PTCD2: variants seen among roughly 807,000 people sequenced by gnomAD.
The protein encoded by PTCD2 is pentatricopeptide repeat domain 2, also known as pentatricopeptide repeat-containing protein 2, mitochondrial.
PTCD2 carries 31 observed loss-of-function variants against 42.6 expected under a neutral mutation model. The ratio of observed to expected loss-of-function variants is 0.73; its 90% CI spans 0.55 to 0.98. PTCD2 has a LOEUF of 0.98. Among genes scored for constraint, PTCD2 ranks in the 50% least tolerant of loss-of-function variants. PTCD2 has a pLI of 0.00. For synonymous variants in PTCD2, 183 were observed against 170.9 expected (o/e 1.07, Z -0.55); for missense variants, 476 against 454.8 (o/e 1.05, Z -0.42).
chr5:72,358,275 C>T lies in PTCD2; in HGVS notation c.1015C>T (p.Leu339=). 1 of 1,614,094 alleles carries T rather than the reference C, an allele frequency of 6.2e-7. No homozygotes were observed. Among genetic ancestry groups the T allele is most frequent in the Non-Finnish European group, 8.5e-7 (1 of 1,179,992 alleles). ...VAKFDEIYGT[L]HITGQVTTDS... Reference sequence around the variant, plus strand: ...CAAATTTGATGAGATCTATGGGACACTGCACATCACTGGCCAGGTCACCAC... The same window carrying T: ...CAAATTTGATGAGATCTATGGGACATTGCACATCACTGGCCAGGTCACCAC... Residue 339 remains leucine, a synonymous_variant, in exon 10 of 10, where the codon CTG becomes TTG. Coordinates refer to ENST00000380639, the MANE Select transcript of PTCD2 (RefSeq NM_024754.5).
At chr5:72,352,612 G>C (rs1752675137) in intron 8 of PTCD2, 29 bp from the exon 9 acceptor site, 1 of 1,117,732 alleles carries the variant, frequency 8.9e-7, no homozygotes, top group Non-Finnish European at 1.4e-6. Flanking sequence ...ACTCAGTCTT[G>C]GTTTTGCTTG....
chr5:72,352,360 A>C (rs185562479), intron 8 of PTCD2, among the ~76,000 whole-genome samples: 1 of 152,114 alleles, frequency 6.6e-6, no homozygotes, highest in East Asian at 1.9e-4. Context: ...GTTGGCCAGA[A>C]TGGTCTCTAT....
intron 9 of PTCD2, among the ~76,000 whole-genome samples, chr5:72,353,723 A>T (rs1752731774): frequency 6.6e-6 from 1 of 152,234 alleles, no homozygotes; most frequent in South Asian, 2.1e-4. Context: ...TTAGTGTAAC[A>T]TAGAGACAAG....
In PTCD2 at chr5:72,322,158, T is replaced by C; in HGVS notation, c.128-14T>C. The C allele has an allele frequency of 1.4e-6, 2 of 1,404,558 alleles. No homozygotes were observed. Among genetic ancestry groups the C allele is most frequent in the Middle Eastern group, 1.9e-4 (1 of 5,152 alleles). The allele number at this position is 1,404,558 out of a possible 1,614,324, so 87.0% of individuals were successfully genotyped here. On this transcript the variant is annotated splice_polypyrimidine_tract_variant and intron_variant, in intron 1 of 9. Coordinates refer to ENST00000380639, the MANE Select transcript of PTCD2 (RefSeq NM_024754.5). ...GTCAAAATGACTTTACTTTTTTCTT[T>C]CTCTGATTTTTAGCTAAAAGATACC...
intron 4 of PTCD2, among the ~76,000 whole-genome samples, chr5:72,334,636 C>G (rs1278358472): frequency 1.3e-5 from 2 of 152,134 alleles, no homozygotes; most frequent in Non-Finnish European, 1.5e-5. Context: ...ACTGCAGCCT[C>G]CACCTCCTGG....
In PTCD2 at chr5:72,358,383, CG is replaced by C; in HGVS notation, c.1124del (p.Arg375LeufsTer36). On this transcript the variant is annotated frameshift_variant, in exon 10 of 10. Coordinates refer to ENST00000380639, the MANE Select transcript of PTCD2 (RefSeq NM_024754.5). LOFTEE classifies it high-confidence loss of function. The stretch of plus-strand genomic sequence containing the variant: ...GCTATTAAACAAGAGGATGGTCAGC[CG>C]TCGCACCTTCCAGCCACTCAGCCAG... ...TLLLNKRMVS[R>X]RTFQPLSQSL... is the part of the protein sequence containing the mutation. The C allele has an allele frequency of 6.2e-7, 1 of 1,613,702 alleles. No individual in the cohort carries two copies. The highest frequency in any genetic ancestry group is 8.5e-7 in the Non-Finnish European group (1 of 1,179,942).
intron 8 of PTCD2, among the ~76,000 whole-genome samples, chr5:72,344,423 G>C (rs1752243631): frequency 6.6e-6 from 1 of 152,146 alleles, no homozygotes; most frequent in African/African-American, 2.4e-5. Flanking sequence ...TGAGGCAGGG[G>C]AATTGCTTGA....
chr5:72,342,916 A>G (rs1246629925), intron 7 of PTCD2, 46 bp from the exon 8 acceptor site: 7 of 1,224,828 alleles, frequency 5.7e-6, no homozygotes, highest in Admixed American at 1.9e-5. Flanking sequence ...TTACAATAAC[A>G]TTAGTTCCTA....
At chr5:72,347,367 G>A (rs1306902910) in intron 8 of PTCD2, among the ~76,000 whole-genome samples, 3 of 152,100 alleles carry the variant, frequency 2.0e-5, no homozygotes, top group African/African-American at 7.2e-5. Flanking sequence ...TCCTTCCATC[G>A]TGGCCTATCT....
At chr5:72,332,365 GT>G (rs982314114) in intron 4 of PTCD2, among the ~76,000 whole-genome samples, 2 of 150,598 alleles carry the variant, frequency 1.3e-5, no homozygotes, top group African/African-American at 2.4e-5. Context: ...GTTTGATCCT[GT>G]TTTTTTTTGT....
At chr5:72,347,861 G>C (rs1332375107) in intron 8 of PTCD2, among the ~76,000 whole-genome samples, 1 of 152,152 alleles carries the variant, frequency 6.6e-6, no homozygotes, top group East Asian at 1.9e-4. Context: ...CAGGCAGCAG[G>C]AACAGCTCCT....
chr5:72,359,915 G>A lies in PTCD2; in HGVS notation c.*1488G>A, dbSNP rs1753053089. 6.6e-6 allele frequency: 1 copy of A among 152,058 alleles called. No homozygotes were observed. Among genetic ancestry groups the A allele is most frequent in the African/African-American group, 2.4e-5 (1 of 41,418 alleles). 9.4% of individuals were successfully genotyped at this position (152,058 alleles called of 1,614,324 possible). A position where few individuals can be genotyped will look rare whatever the true frequency, so the allele number is the denominator to read the frequency against. ...TACTGTGTGGCCCTGGGCATCCTCA[G>A]TTTCCTCATTTGGTAAATGGGGATA... On this transcript the variant is annotated 3_prime_UTR_variant, in exon 10 of 10. Transcript: ENST00000380639.
chr5:72,323,693 A>G (rs780828159), intron 2 of PTCD2, among the ~76,000 whole-genome samples: 29 of 152,200 alleles, frequency 1.9e-4, no homozygotes, highest in Non-Finnish European at 3.4e-4. Flanking sequence ...TCTGTCACCT[A>G]GGCTGGAGTG....
At chr5:72,320,545 G>A in intron 1 of PTCD2, 36 bp downstream of exon 1, 1 of 1,611,646 alleles carries the variant, frequency 6.2e-7, no homozygotes, top group Non-Finnish European at 8.5e-7. Flanking sequence ...GGAGGGGAGG[G>A]ATGGGAGAGA....
chr5:72,335,279 C>G (rs1751671384), intron 5 of PTCD2, among the ~76,000 whole-genome samples, 183 bp downstream of exon 5: 1 of 151,912 alleles, frequency 6.6e-6, no homozygotes, highest in South Asian at 2.1e-4. Context: ...GAAACCCCGT[C>G]TCTACTAAAA....
Position 72,364,165 on chromosome 5 carries a change from T to G in PTCD2, c.*5738T>G, listed in dbSNP as rs1422965709. On this transcript the variant is annotated 3_prime_UTR_variant, in exon 10 of 10. Coordinates refer to ENST00000380639, the MANE Select transcript of PTCD2 (RefSeq NM_024754.5). ...ATGGCATTAGCTCAAAAAAGTGTTCTCAAAAATTAATGGAAATTGGTGTAT... is the reference window on the plus strand; with the variant it reads ...ATGGCATTAGCTCAAAAAAGTGTTCGCAAAAATTAATGGAAATTGGTGTAT... 2.6e-5 allele frequency: 4 copies of G among 152,286 alleles called. No individual in the cohort carries two copies. The highest frequency in any genetic ancestry group is 2.4e-5 in the African/African-American group (1 of 41,474). The allele number at this position is 152,286 out of a possible 1,614,324, so 9.4% of individuals were successfully genotyped here. A position where few individuals can be genotyped will look rare whatever the true frequency, so the allele number is the denominator to read the frequency against.
At chr5:72,348,183 C>T (rs1000994346) in intron 8 of PTCD2, among the ~76,000 whole-genome samples, 20 of 152,160 alleles carry the variant, frequency 1.3e-4, no homozygotes, top group Admixed American at 1.2e-3. Flanking sequence ...TTCTAGGTCT[C>T]TGTTAGTAGA....
At chr5:72,345,795 A>G (rs1343900008) in intron 8 of PTCD2, among the ~76,000 whole-genome samples, 1 of 152,222 alleles carries the variant, frequency 6.6e-6, no homozygotes, top group Non-Finnish European at 1.5e-5. Flanking sequence ...TAGTCTGTTC[A>G]ATGAATATTT....
chr5:72,355,086 T>C (rs1282325799), intron 9 of PTCD2, among the ~76,000 whole-genome samples: 1 of 152,102 alleles, frequency 6.6e-6, no homozygotes, highest in Non-Finnish European at 1.5e-5. Flanking sequence ...TAAGTGGTTA[T>C]GTTGATTTCT....
Sources: gnomAD v4.1 joint callset for allele counts (sites outside exome capture counted in the v4.1 genomes callset) on GRCh38, gnomAD v4.1.1 for gene constraint, MANE v1.5 for transcripts, NCBI Gene and HGNC (gene_info 2026-07-23, HGNC 2026-07-21) for gene names.